KSR2: variants seen among roughly 807,000 people sequenced by gnomAD.
The protein encoded by KSR2 is kinase suppressor of ras 2.
In KSR2, 25 loss-of-function variants were observed where a neutral mutation model predicts 107.8. The observed-to-expected ratio is 0.23, with a 90% CI of 0.17 to 0.32. The LOEUF (loss-of-function observed/expected upper bound fraction) is 0.32. KSR2 is among the 10% of genes least tolerant of loss of function. The probability of loss-of-function intolerance (pLI) is 1.00; values close to 1 mark genes in which losing one functional copy is unlikely to be tolerated. For synonymous variants in KSR2, 480 were observed against 507.0 expected, an observed-to-expected ratio of 0.95 and a Z score of 0.71; for missense variants, 887 against 1,268.9, an observed-to-expected ratio of 0.70 and a Z score of 4.57.
At position 117,467,182 on chromosome 12, in the gene KSR2, G is replaced by A. The variant is rs374147139; in HGVS notation, c.*17C>T. On this transcript the variant is annotated 3_prime_UTR_variant, in exon 20 of 20. Coordinates refer to ENST00000339824, the MANE Select transcript of KSR2 (RefSeq NM_173598.6). ...ACGGGAGCCCAGGCAGCTGGGCGCCGTCCCGATGTCCAAAGGTCACAGCCT... is the reference window on the plus strand; with the variant it reads ...ACGGGAGCCCAGGCAGCTGGGCGCCATCCCGATGTCCAAAGGTCACAGCCT... The A allele has an allele frequency of 1.5e-5, 11 of 719,732 alleles. No homozygotes were observed. Among genetic ancestry groups the A allele is most frequent in the African/African-American group, 1.1e-4 (6 of 55,460 alleles). The allele number at this position is 719,732 out of a possible 1,614,324, so 44.6% of individuals were successfully genotyped here. A position where few individuals can be genotyped will look rare whatever the true frequency, so the allele number is the denominator to read the frequency against.
chr12:117,480,466 T>G (rs1872111004), intron 16 of KSR2, among the ~76,000 whole-genome samples: 1 of 152,138 alleles, frequency 6.6e-6, no homozygotes, highest in Non-Finnish European at 1.5e-5. Context: ...TTTGGGAGGC[T>G]GGCATGACAG....
chr12:117,920,491 C>T (rs1400219104), intron 1 of KSR2, among the ~76,000 whole-genome samples: 2 of 151,842 alleles, frequency 1.3e-5, no homozygotes, highest in Admixed American at 6.6e-5. Context: ...AAGACCATCT[C>T]CTAAGTTAAA....
intron 5 of KSR2, among the ~76,000 whole-genome samples, chr12:117,618,397 T>C (rs1394250155): frequency 6.6e-6 from 1 of 152,076 alleles, no homozygotes; most frequent in Non-Finnish European, 1.5e-5. Context: ...TCTATTCAGC[T>C]TCTTAGTCTC....
intron 4 of KSR2, among the ~76,000 whole-genome samples, chr12:117,740,315 AC>A (rs1888125705): frequency 7.4e-6 from 1 of 134,850 alleles, no homozygotes; most frequent in Non-Finnish European, 1.6e-5. Flanking sequence ...ATATATATAT[AC>A]ACATATATAC....
chr12:117,637,684 T>TTTG (rs1883174758), intron 5 of KSR2, among the ~76,000 whole-genome samples: 1 of 132,972 alleles, frequency 7.5e-6, no homozygotes, highest in African/African-American at 2.9e-5. Flanking sequence ...GGTTTTTTTT[T>TTTG]TTTTTTTTTT....
At chr12:117,619,006 C>T (rs1882026690) in intron 5 of KSR2, among the ~76,000 whole-genome samples, 1 of 152,134 alleles carries the variant, frequency 6.6e-6, no homozygotes, top group African/African-American at 2.4e-5. Flanking sequence ...CAAAACAACT[C>T]ACCATTTCTG....
intron 5 of KSR2, among the ~76,000 whole-genome samples, chr12:117,653,318 A>G (rs7298395): frequency 0.91 from 138,972 of 152,336 alleles, 63,597 homozygotes; most frequent in East Asian, 0.99. Flanking sequence ...CTTGGCAAAT[A>G]CCTTTTTCTC....
intron 5 of KSR2, among the ~76,000 whole-genome samples, chr12:117,634,061 C>T (rs1054858858): frequency 6.6e-6 from 1 of 152,200 alleles, no homozygotes; most frequent in Admixed American, 6.5e-5. Context: ...GTCTGTCTTA[C>T]ATACCCAGAG....
intron 4 of KSR2, among the ~76,000 whole-genome samples, chr12:117,705,364 C>T (rs950911864): frequency 2.0e-5 from 3 of 152,196 alleles, no homozygotes; most frequent in African/African-American, 7.2e-5. Flanking sequence ...ATGCAGCAGG[C>T]CCACTTATTT....
chr12:117,668,143 C>T (rs1267388880), intron 4 of KSR2, among the ~76,000 whole-genome samples: 1 of 152,226 alleles, frequency 6.6e-6, no homozygotes, highest in East Asian at 1.9e-4. Context: ...ATCCACTGCC[C>T]TTCCTCCATG....
chr12:117,615,497 T>A (rs1411162021), intron 5 of KSR2, among the ~76,000 whole-genome samples: 1 of 152,168 alleles, frequency 6.6e-6, no homozygotes, highest in Non-Finnish European at 1.5e-5. Context: ...GTCCACCTAG[T>A]GACAAAGATG....
At chr12:117,753,817 TAA>T (rs71099077) in intron 4 of KSR2, among the ~76,000 whole-genome samples, 237 of 142,714 alleles carry the variant, frequency 1.7e-3, no homozygotes, top group Admixed American at 2.9e-3. Flanking sequence ...AAATGAAAGT[TAA>T]AAAAAAAAAA....
intron 14 of KSR2, among the ~76,000 whole-genome samples, chr12:117,518,800 T>C (rs1874553874): frequency 6.6e-6 from 1 of 152,234 alleles, no homozygotes; most frequent in Non-Finnish European, 1.5e-5. Context: ...TACCTCTACC[T>C]GAACTGCTCT....
chr12:117,480,028 ATGTGTGTGTGTGTGTGTGTG>A (rs55877244), intron 16 of KSR2, among the ~76,000 whole-genome samples: 9 of 148,644 alleles, frequency 6.1e-5, no homozygotes, highest in African/African-American at 2.2e-4. Flanking sequence ...ACACATGTGT[ATGTGTGTGTGTGTGTGTGTG>A]TGTGTGTGTG....
chr12:117,755,244 G>A (rs1322775058), intron 4 of KSR2, among the ~76,000 whole-genome samples: 3 of 152,182 alleles, frequency 2.0e-5, no homozygotes, highest in Admixed American at 2.0e-4. Flanking sequence ...GGCATATCTT[G>A]TTGTATTGCA....
chr12:117,571,547 T>C (rs1057376716), intron 7 of KSR2, among the ~76,000 whole-genome samples: 5 of 152,158 alleles, frequency 3.3e-5, no homozygotes, highest in Non-Finnish European at 1.5e-5. Flanking sequence ...TGCTGCAGCC[T>C]CTGTAGCAGT....
intron 4 of KSR2, among the ~76,000 whole-genome samples, chr12:117,691,823 G>A (rs1247071314): frequency 6.6e-6 from 1 of 152,204 alleles, no homozygotes; most frequent in Non-Finnish European, 1.5e-5. Context: ...TCTCCTGAGG[G>A]CCCTCCCCAC....
At chr12:117,786,595 C>A (rs1890082196) in intron 3 of KSR2, among the ~76,000 whole-genome samples, 1 of 152,136 alleles carries the variant, frequency 6.6e-6, no homozygotes, top group Non-Finnish European at 1.5e-5. Flanking sequence ...GCAGGCAGAT[C>A]CCCTGAGCTC....
At chr12:117,760,225 C>T (rs1258537360) in intron 4 of KSR2, among the ~76,000 whole-genome samples, 1 of 152,200 alleles carries the variant, frequency 6.6e-6, no homozygotes, top group Non-Finnish European at 1.5e-5. Flanking sequence ...TTTTTGGCTA[C>T]TGTGAATAGC....
Sources: gnomAD v4.1 joint callset for allele counts (sites outside exome capture counted in the v4.1 genomes callset) on GRCh38, gnomAD v4.1.1 for gene constraint, MANE v1.5 for transcripts, NCBI Gene and HGNC (gene_info 2026-07-23, HGNC 2026-07-21) for gene names.